Variants in KCNIP4 observed in about 807,000 individuals in gnomAD.
KCNIP4 encodes potassium voltage-gated channel interacting protein 4, also known as Kv channel-interacting protein 4.
KCNIP4 carries 12 observed loss-of-function variants against 34.0 expected under a neutral mutation model. That is an observed-to-expected ratio of 0.35 (90% CI 0.23 to 0.57). The LOEUF is 0.57. Ranked by LOEUF, KCNIP4 falls within the 20% of genes least tolerant of loss-of-function variation. KCNIP4 has a pLI of 0.83. For missense variants in KCNIP4, 238 were observed against 311.7 expected, an observed-to-expected ratio of 0.76 and a Z score of 1.78; for synonymous variants, 124 against 102.2, an observed-to-expected ratio of 1.21 and a Z score of -1.29.
At chr4:21,805,604 C>T (rs962673867) in intron 1 of KCNIP4, among the ~76,000 whole-genome samples, 1 of 152,154 alleles carries the variant, frequency 6.6e-6, no homozygotes. Flanking sequence ...TGTATGTCCA[C>T]CTAACAGGAA....
At chr4:20,824,466 G>T (rs980722732) in intron 3 of KCNIP4, among the ~76,000 whole-genome samples, 1 of 152,100 alleles carries the variant, frequency 6.6e-6, no homozygotes, top group Non-Finnish European at 1.5e-5. Flanking sequence ...CAGATTATGA[G>T]GTCGAGAAAT....
At chr4:21,234,484 A>G (rs1759185896) in intron 1 of KCNIP4, among the ~76,000 whole-genome samples, 1 of 106,672 alleles carries the variant, frequency 9.4e-6, no homozygotes, top group Non-Finnish European at 1.8e-5. Flanking sequence ...TAGTACATAT[A>G]ACGTATATAA....
chr4:21,167,517 CTT>C (rs1002832502), intron 1 of KCNIP4, among the ~76,000 whole-genome samples: 2 of 152,146 alleles, frequency 1.3e-5, no homozygotes, highest in African/African-American at 4.8e-5. Flanking sequence ...TAGATAGTGT[CTT>C]TTCATTTAGC....
intron 3 of KCNIP4, among the ~76,000 whole-genome samples, chr4:20,785,191 T>C (rs1711793975): frequency 6.6e-6 from 1 of 152,060 alleles, no homozygotes; most frequent in African/African-American, 2.4e-5. Context: ...GCAGGAAGAA[T>C]GTGAAAGACA....
intron 1 of KCNIP4, among the ~76,000 whole-genome samples, chr4:21,252,649 C>G (rs1258231887): frequency 1.3e-5 from 2 of 151,906 alleles, no homozygotes; most frequent in Admixed American, 6.5e-5. Context: ...AAAATTTCCC[C>G]ATGCTGTCAA....
At chr4:21,255,527 C>G (rs1761004783) in intron 1 of KCNIP4, among the ~76,000 whole-genome samples, 1 of 152,088 alleles carries the variant, frequency 6.6e-6, no homozygotes, top group South Asian at 2.1e-4. Flanking sequence ...CTTAAACTCT[C>G]CCCTCCCTCA....
chr4:21,122,464 T>G (rs1031434167), intron 1 of KCNIP4, among the ~76,000 whole-genome samples: 5 of 151,822 alleles, frequency 3.3e-5, no homozygotes, highest in Admixed American at 6.6e-5. Context: ...CAAGTTTTTT[T>G]TTTTTTTTTT....
chr4:21,581,097 T>C (rs1741167819), intron 1 of KCNIP4, among the ~76,000 whole-genome samples: 2 of 152,094 alleles, frequency 1.3e-5, no homozygotes, highest in Admixed American at 1.3e-4. Flanking sequence ...GGAAATAGTA[T>C]CTATTTCTGA....
chr4:21,899,887 C>T (rs1310020100), intron 1 of KCNIP4, among the ~76,000 whole-genome samples: 1 of 151,908 alleles, frequency 6.6e-6, no homozygotes, highest in Non-Finnish European at 1.5e-5. Context: ...AGATTCAATG[C>T]AATCTCTATT....
chr4:21,676,463 ATG>A (rs1375443822), intron 1 of KCNIP4, among the ~76,000 whole-genome samples: 1 of 152,180 alleles, frequency 6.6e-6, no homozygotes, highest in Admixed American at 6.5e-5. Flanking sequence ...TTATTTTTAG[ATG>A]AACAGGAGAT....
chr4:21,193,571 AT>A (rs71655619), intron 1 of KCNIP4, among the ~76,000 whole-genome samples: 8,554 of 119,106 alleles, frequency 0.072, 218 homozygotes, highest in East Asian at 0.15. Context: ...GCAATTTTAA[AT>A]TTTTTTTTTT....
intron 3 of KCNIP4, among the ~76,000 whole-genome samples, chr4:20,759,817 A>G (rs970191146): frequency 1.3e-5 from 2 of 152,020 alleles, no homozygotes; most frequent in Non-Finnish European, 2.9e-5. Flanking sequence ...AGTGGTGGAG[A>G]CTGACAATCA....
chr4:21,905,824 T>C (rs1174487083), intron 1 of KCNIP4, among the ~76,000 whole-genome samples: 1 of 152,082 alleles, frequency 6.6e-6, no homozygotes, highest in Non-Finnish European at 1.5e-5. Flanking sequence ...AGAAGTGTAT[T>C]ATAAAAACAA....
At chr4:21,639,211 G>C (rs1746432440) in intron 1 of KCNIP4, among the ~76,000 whole-genome samples, 1 of 152,030 alleles carries the variant, frequency 6.6e-6, no homozygotes, top group South Asian at 2.1e-4. Context: ...TTCTTATGCT[G>C]CCAATCAAAT....
chr4:20,885,359 T>C (rs144691535), intron 1 of KCNIP4, among the ~76,000 whole-genome samples: 56 of 152,370 alleles, frequency 3.7e-4, no homozygotes, highest in African/African-American at 1.3e-3. Flanking sequence ...TTTTGAGATG[T>C]CTTTTCAGGT....
At chr4:21,237,434 C>A (rs543454115) in intron 1 of KCNIP4, among the ~76,000 whole-genome samples, 26 of 152,174 alleles carry the variant, frequency 1.7e-4, no homozygotes, top group Admixed American at 1.6e-3. Context: ...AGCGTAAAGA[C>A]AACTTAATTT....
chr4:20,868,759 G>A (rs1376186065), intron 2 of KCNIP4, among the ~76,000 whole-genome samples: 2 of 152,128 alleles, frequency 1.3e-5, no homozygotes, highest in Admixed American at 6.6e-5. Context: ...AATACTGCAT[G>A]TTCTTACTTG....
chr4:21,455,152 AT>A (rs1281028038), intron 1 of KCNIP4, among the ~76,000 whole-genome samples: 1 of 150,800 alleles, frequency 6.6e-6, no homozygotes, highest in Admixed American at 6.6e-5. Flanking sequence ...GACAAAGAGA[AT>A]TTTGCTGGAT....
In KCNIP4 at chr4:21,716,098, A is replaced by G. The variant is rs1003218217; in HGVS notation, c.61+232473T>C. Among the ~76,000 whole-genome samples, 80 of 152,224 alleles carry G rather than the reference A, an allele frequency of 5.3e-4. 1 individual carries two copies. The highest frequency in any genetic ancestry group is 3.7e-4 in the Non-Finnish European group (25 of 68,040). On this transcript the variant is annotated intron_variant, in intron 1 of 8. Coordinates refer to ENST00000382152, the MANE Select transcript of KCNIP4 (RefSeq NM_025221.6). ...CCTCTTTTATCCTAATCTGAAGTTT[A>G]TGGGGAGCAGCTAAAACTAAGAATA... is the stretch of plus-strand genomic sequence containing the variant.
Sources: gnomAD v4.1 joint callset for allele counts (sites outside exome capture counted in the v4.1 genomes callset) on GRCh38, gnomAD v4.1.1 for gene constraint, MANE v1.5 for transcripts, NCBI Gene and HGNC (gene_info 2026-07-23, HGNC 2026-07-21) for gene names.